HPF1: variants seen among roughly 807,000 people sequenced by gnomAD.
HPF1 encodes histone PARylation factor 1, also known as UPF0609 protein C4orf27.
Under a neutral mutation model 38.8 loss-of-function variants are expected in HPF1, and 35 were observed. The observed-to-expected ratio is 0.90, with a 90% CI of 0.69 to 1.19. The LOEUF is 1.19. Among genes scored for constraint, HPF1 ranks in the 50% most tolerant of loss-of-function variants. The pLI is 0.00. For missense variants in HPF1, 367 were observed against 405.8 expected, an observed-to-expected ratio of 0.90 and a Z score of 0.82; for synonymous variants, 115 against 139.2, an observed-to-expected ratio of 0.83 and a Z score of 1.22.
At chr4:169,751,895 C>A (rs1034556162) in intron 2 of HPF1, among the ~76,000 whole-genome samples, 3 of 152,118 alleles carry the variant, frequency 2.0e-5, no homozygotes, top group African/African-American at 7.2e-5. Flanking sequence ...ATACTCTCCA[C>A]CCCCATGAAC....
chr4:169,732,413 A>C (rs547605801), intron 6 of HPF1, among the ~76,000 whole-genome samples: 44 of 152,284 alleles, frequency 2.9e-4, no homozygotes, highest in Admixed American at 5.2e-4. Flanking sequence ...TGCTGGGATT[A>C]CAGGCGTGAG....
At position 169,729,521 on chromosome 4, in the gene HPF1, A is replaced by G; in HGVS notation, c.*57T>C. On this transcript the variant is annotated 3_prime_UTR_variant, in exon 8 of 8. Coordinates refer to ENST00000393381, the MANE Select transcript of HPF1 (RefSeq NM_017867.3). Reference sequence around the variant, plus strand: ...TGTATTCCTTAAAAACAAAACAAAAATCACAAGTTTAATACTAGTCCTTTG... The same window carrying G: ...TGTATTCCTTAAAAACAAAACAAAAGTCACAAGTTTAATACTAGTCCTTTG... The G allele has an allele frequency of 1.5e-6, 2 of 1,300,118 alleles. No homozygotes were observed. Among genetic ancestry groups the G allele is most frequent in the Non-Finnish European group, 2.0e-6 (2 of 1,000,558 alleles). The allele number at this position is 1,300,118 out of a possible 1,614,324, so 80.5% of individuals were successfully genotyped here.
intron 1 of HPF1, among the ~76,000 whole-genome samples, chr4:169,756,568 T>C (rs1393801601): frequency 6.6e-6 from 1 of 152,238 alleles, no homozygotes. Flanking sequence ...TTAGGCAAGT[T>C]ACTTAACCTC....
At chr4:169,736,375 AAG>A (rs60469501) in intron 6 of HPF1, among the ~76,000 whole-genome samples, 6,397 of 143,734 alleles carry the variant, frequency 0.045, 412 homozygotes, top group African/African-American at 0.12. Flanking sequence ...AAAAAAAAAA[AAG>A]AAGTAAAAAA....
intron 4 of HPF1, among the ~76,000 whole-genome samples, chr4:169,742,597 C>T (rs184960612): frequency 0.018 from 2,724 of 152,278 alleles, 32 homozygotes; most frequent in Admixed American, 0.033. Context: ...TCAAGACCAT[C>T]CTGGCTAACA....
At chr4:169,737,611 A>T in intron 6 of HPF1, 49 bp downstream of exon 6, 1 of 1,167,702 alleles carries the variant, frequency 8.6e-7, no homozygotes, top group Non-Finnish European at 1.3e-6. Context: ...CAAAACCTTT[A>T]TTCATGTGCA....
At chr4:169,750,779 G>C in intron 2 of HPF1, 54 bp from the exon 3 acceptor site, 8 of 1,273,880 alleles carry the variant, frequency 6.3e-6, no homozygotes, top group Non-Finnish European at 6.5e-6. Flanking sequence ...AGGAAATAAT[G>C]CTTTTATTTA....
intron 6 of HPF1, among the ~76,000 whole-genome samples, chr4:169,737,289 CAAAAAAAA>C (rs35524684): frequency 1.8e-5 from 2 of 108,512 alleles, no homozygotes; most frequent in African/African-American, 7.5e-5. Flanking sequence ...CACTCCGTCT[CAAAAAAAA>C]AAAAAAAAAA....
chr4:169,749,477 G>T (rs887407727), intron 3 of HPF1, among the ~76,000 whole-genome samples: 1 of 151,888 alleles, frequency 6.6e-6, no homozygotes, highest in Non-Finnish European at 1.5e-5. Flanking sequence ...CAAATTATTC[G>T]ATCTGCTAAC....
chr4:169,752,966 T>C (rs1403120617), intron 2 of HPF1, among the ~76,000 whole-genome samples: 1 of 151,940 alleles, frequency 6.6e-6, no homozygotes, highest in Non-Finnish European at 1.5e-5. Context: ...ATATTTTCTC[T>C]TACTAGAAGA....
intron 7 of HPF1, among the ~76,000 whole-genome samples, chr4:169,730,804 C>T (rs531414849): frequency 6.2e-4 from 95 of 152,260 alleles, no homozygotes; most frequent in African/African-American, 2.2e-3. Context: ...CTGGACCTAC[C>T]GATAGAGTGC....
intron 4 of HPF1, among the ~76,000 whole-genome samples, chr4:169,744,619 A>ACATC (rs1734022662): frequency 6.6e-6 from 1 of 152,248 alleles, no homozygotes; most frequent in African/African-American, 2.4e-5. Context: ...GTTGAAACTT[A>ACATC]TATATCAAAT....
intron 6 of HPF1, among the ~76,000 whole-genome samples, chr4:169,734,262 A>G (rs1339559018): frequency 6.6e-6 from 1 of 152,324 alleles, no homozygotes; most frequent in South Asian, 2.1e-4. Context: ...AAAGCTCCTT[A>G]AGGATGGAAA....
In HPF1 at chr4:169,729,595, CTA is replaced by C. The variant is rs1399442619; in HGVS notation, c.1022_1023del (p.Ile341ArgfsTer25). On this transcript the variant is annotated frameshift_variant, in exon 8 of 8. Transcript: ENST00000393381. LOFTEE classifies it high-confidence loss of function. The stretch of plus-strand genomic sequence containing the variant: ...CACCTTACTCATGCAGCAAGTTGGT[CTA>C]TGTTCTCTTGACTTCTGTTTGCCAG... ...EHLANRSQEN[I>X]DQLAA The C allele has an allele frequency of 6.4e-7, 1 of 1,564,426 alleles. No homozygotes were observed.
chr4:169,744,197 G>A (rs550964754), intron 4 of HPF1, among the ~76,000 whole-genome samples: 4 of 152,268 alleles, frequency 2.6e-5, no homozygotes, highest in African/African-American at 9.6e-5. Context: ...CCTGTGCCAC[G>A]TATTTTCACA....
intron 5 of HPF1, 82 bp downstream of exon 5, chr4:169,741,875 G>T: frequency 8.7e-7 from 1 of 1,151,128 alleles, no homozygotes; most frequent in South Asian, 1.4e-5. Context: ...GGGAAGAGAA[G>T]GGTAAAGTAG....
At position 169,751,351 on chromosome 4, in the gene HPF1, C is replaced by T. The variant is rs192380286; in HGVS notation, c.209-626G>A. Among the ~76,000 whole-genome samples the T allele has an allele frequency of 1.9e-3, 276 of 144,110 alleles. 1 individual carries two copies. The highest frequency in any genetic ancestry group is 6.9e-3 in the African/African-American group (260 of 37,650). The allele number at this position is 144,110 out of a possible 152,430, so 94.5% of individuals were successfully genotyped here. A position where few individuals can be genotyped will look rare whatever the true frequency, so the allele number is the denominator to read the frequency against. ...CCTGGAGGTGGAGGTTGCAGTGAAA[C>T]GAGATTGCGCCATTGCACTCCAGCC... On this transcript the variant is annotated intron_variant, in intron 2 of 7. Transcript: ENST00000393381.
At chr4:169,742,574 T>C (rs747554510) in intron 4 of HPF1, among the ~76,000 whole-genome samples, 95 of 152,218 alleles carry the variant, frequency 6.2e-4, no homozygotes, top group Middle Eastern at 3.4e-3. Context: ...GGGCGGATCA[T>C]GAGGTCAGGA....
chr4:169,736,766 T>C (rs1458899086), intron 6 of HPF1, among the ~76,000 whole-genome samples: 1 of 151,774 alleles, frequency 6.6e-6, no homozygotes, highest in Non-Finnish European at 1.5e-5. Flanking sequence ...TTAAGTTTTA[T>C]CCCCCCAGAA....
Sources: gnomAD v4.1 joint callset for allele counts (sites outside exome capture counted in the v4.1 genomes callset) on GRCh38, gnomAD v4.1.1 for gene constraint, MANE v1.5 for transcripts, NCBI Gene and HGNC (gene_info 2026-07-23, HGNC 2026-07-21) for gene names.